Variants in FAM24B observed in about 807,000 individuals in gnomAD.
FAM24B encodes the protein family with sequence similarity 24 member B.
A neutral mutation model predicts 2.3 loss-of-function variants in FAM24B; 3 were observed. The ratio of observed to expected loss-of-function variants is 1.29; its 90% CI spans 0.59 to 3.32. FAM24B has a LOEUF of 3.32. Among genes scored for constraint, FAM24B ranks in the 30% most tolerant of loss-of-function variants. FAM24B has a pLI of 0.03. For synonymous variants in FAM24B, 36 were observed against 46.3 expected (o/e 0.78, Z 0.90); for missense variants, 98 against 117.2 (o/e 0.84, Z 0.76).
chr10:122,879,472 AGAC>A lies in FAM24B; in HGVS notation c.-178+10_-178+12del, dbSNP rs1213525941. ...GTCCTGCACATCGCGTAGAGCGAAG[AGAC>A]GACACCTACCTGACCATAGACGCTC... On this transcript the variant is annotated intron_variant, in intron 1 of 3. Transcript: ENST00000368898. 1.3e-5 allele frequency: 2 copies of A among 152,306 alleles called. No individual in the cohort carries two copies. Among genetic ancestry groups the A allele is most frequent in the Non-Finnish European group, 2.9e-5 (2 of 68,082 alleles). The allele number at this position is 152,306 out of a possible 1,614,324, so 9.4% of individuals were successfully genotyped here. A position where few individuals can be genotyped will look rare whatever the true frequency, so the allele number is the denominator to read the frequency against.
In FAM24B at chr10:122,849,400, G is replaced by T. The variant is rs765544738; in HGVS notation, c.132C>A (p.His44Gln). The stretch of plus-strand genomic sequence containing the variant: ...TGGCCCACCACACCTTGTCTGGGTT[G>T]TGATTTTTTACAGCCACAGCTTCAG... ...KEPEAVAVKN[H>Q]NPDKVWWAKN... The change falls in exon 4 of 4, where the codon CAC (histidine) becomes CAA (glutamine). Residue 44 changes from histidine to glutamine, a missense_variant. By Grantham distance (24) the His-to-Gln change is conservative. Coordinates refer to ENST00000368898, the MANE Select transcript of FAM24B (RefSeq NM_152644.3). The T allele has an allele frequency of 1.2e-6, 2 of 1,612,164 alleles. No individual in the cohort carries two copies. Among genetic ancestry groups the T allele is most frequent in the Non-Finnish European group, 1.7e-6 (2 of 1,179,364 alleles).
Position 122,849,531 on chromosome 10 carries a change from G to C in FAM24B, c.93-92C>G, listed in dbSNP as rs866184180. ...TTGGGGGGTATCTGGGGAGTTTAGT[G>C]CTGAAGCCAGTCAAACATGAACACC... On this transcript the variant is annotated intron_variant, in intron 3 of 3. Transcript: ENST00000368898. The C allele has an allele frequency of 9.5e-6, 11 of 1,154,818 alleles. No individual in the cohort carries two copies. The Middle Eastern group carries it at 1.9e-3, about 195-fold the overall frequency. 71.5% of individuals were successfully genotyped at this position (1,154,818 alleles called of 1,614,324 possible). A position where few individuals can be genotyped will look rare whatever the true frequency, so the allele number is the denominator to read the frequency against.
intron 1 of FAM24B, among the ~76,000 whole-genome samples, chr10:122,876,802 C>G (rs1847982971): frequency 6.6e-6 from 1 of 152,140 alleles, no homozygotes; most frequent in Admixed American, 6.5e-5. Context: ...TTGTGATTGA[C>G]TTCTAAGTGG....
chr10:122,857,785 C>T (rs1847662988), intron 1 of FAM24B, among the ~76,000 whole-genome samples: 1 of 152,178 alleles, frequency 6.6e-6, no homozygotes, highest in African/African-American at 2.4e-5. Flanking sequence ...GAAGTACAAA[C>T]CCTTCAAACT....
At chr10:122,859,032 T>C (rs986184257) in intron 1 of FAM24B, among the ~76,000 whole-genome samples, 4 of 152,204 alleles carry the variant, frequency 2.6e-5, no homozygotes, top group African/African-American at 9.6e-5. Context: ...TCCCACAGAA[T>C]TGCCCATCCT....
chr10:122,871,456 C>A (rs1384850078), intron 1 of FAM24B, among the ~76,000 whole-genome samples: 1 of 151,666 alleles, frequency 6.6e-6, no homozygotes, highest in Non-Finnish European at 1.5e-5. Context: ...CATATGGAAC[C>A]AAAAAAGAGC....
intron 1 of FAM24B, among the ~76,000 whole-genome samples, chr10:122,860,874 T>G (rs1847717333): frequency 6.6e-6 from 1 of 152,188 alleles, no homozygotes; most frequent in East Asian, 1.9e-4. Flanking sequence ...TTTCCTGAAA[T>G]TAGGTATTTA....
rs564589973 is a variant in FAM24B at position 122,870,611 on chromosome 10, G to A, written c.-178+8874C>T. On this transcript the variant is annotated intron_variant, in intron 1 of 3. Coordinates refer to ENST00000368898, the MANE Select transcript of FAM24B (RefSeq NM_152644.3). ...CCATGATCCAGTGGGCTTCATCCCT[G>A]GGATGCAAGGCTGGTTCAACATATG... 6.6e-5 allele frequency among the ~76,000 whole-genome samples: 10 copies of A among 152,274 alleles called. No individual in the cohort carries two copies. The South Asian group carries it at 1.9e-3, about 28-fold the overall frequency.
intron 3 of FAM24B, 143 bp from the exon 4 acceptor site, chr10:122,849,582 C>G: frequency 1.6e-6 from 1 of 638,218 alleles, no homozygotes; most frequent in Non-Finnish European, 2.6e-6. Flanking sequence ...CTCTCTCCCC[C>G]ATCCCAAGTT....
chr10:122,857,856 A>T (rs897095249), intron 1 of FAM24B, among the ~76,000 whole-genome samples: 1 of 152,208 alleles, frequency 6.6e-6, no homozygotes, highest in Non-Finnish European at 1.5e-5. Flanking sequence ...AGAAAACATT[A>T]TCAGTTTACT....
intron 2 of FAM24B, 188 bp from the exon 3 acceptor site, chr10:122,850,738 A>T (rs1368377842): frequency 4.0e-6 from 2 of 493,928 alleles, no homozygotes; most frequent in Non-Finnish European, 7.3e-6. Flanking sequence ...AAAAAGAAAT[A>T]AAAAAAGTCA....
chr10:122,874,212 T>C (rs369954110), intron 1 of FAM24B, among the ~76,000 whole-genome samples: 4 of 152,244 alleles, frequency 2.6e-5, no homozygotes, highest in East Asian at 3.8e-4. Flanking sequence ...TCCAGGGTTG[T>C]TGAAGTCTCC....
chr10:122,859,175 G>A (rs574919737), intron 1 of FAM24B, among the ~76,000 whole-genome samples: 19 of 152,298 alleles, frequency 1.2e-4, no homozygotes, highest in African/African-American at 4.6e-4. Context: ...CACTGAAAGA[G>A]AGATTAGCCA....
Position 122,872,136 on chromosome 10 carries a change from G to T in FAM24B, c.-178+7349C>A, listed in dbSNP as rs527654964. On this transcript the variant is annotated intron_variant, in intron 1 of 3. Coordinates refer to ENST00000368898, the MANE Select transcript of FAM24B (RefSeq NM_152644.3). ...AAAAAGTGGGCGAAGGATATGAACA[G>T]ACACTTCTCAAAAGAAGATATTTAT... Among the ~76,000 whole-genome samples, 965 of 152,282 alleles carry T rather than the reference G, an allele frequency of 6.3e-3. 7 individuals are homozygous for T. Among genetic ancestry groups the T allele is most frequent in the African/African-American group, 0.016 (652 of 41,536 alleles).
At position 122,871,592 on chromosome 10, in the gene FAM24B, T is replaced by C. The variant is rs11528585; in HGVS notation, c.-178+7893A>G. The stretch of plus-strand genomic sequence containing the variant: ...TGGTACTGGTACCAAAACAGAGATA[T>C]AGACCGATGGAACAGAACAGAGCCC... On this transcript the variant is annotated intron_variant, in intron 1 of 3. Transcript: ENST00000368898. Among the ~76,000 whole-genome samples the C allele has an allele frequency of 1.6e-3, 241 of 152,132 alleles. 6 individuals are homozygous for C. Among genetic ancestry groups the C allele is most frequent in the East Asian group, 3.9e-4 (2 of 5,176 alleles).
intron 1 of FAM24B, among the ~76,000 whole-genome samples, chr10:122,873,971 C>T (rs1276878479): frequency 6.6e-6 from 1 of 152,146 alleles, no homozygotes. Flanking sequence ...CCATTGTGAT[C>T]TAGGAACATA....
At position 122,849,091 on chromosome 10, in the gene FAM24B, G is replaced by C. The variant is rs569340815; in HGVS notation, c.*156C>G. On this transcript the variant is annotated 3_prime_UTR_variant, in exon 4 of 4. Transcript: ENST00000368898. The stretch of plus-strand genomic sequence containing the variant: ...AATCAAAAAATATTGGCAGCAAAGA[G>C]GATTATTTTTAATAGTGTACATTTA... 7 of 470,358 alleles carry C rather than the reference G, an allele frequency of 1.5e-5. No homozygotes were observed. In the East Asian group the frequency reaches 2.5e-4, roughly 17 times the overall value. The allele number at this position is 470,358 out of a possible 1,614,324, so 29.1% of individuals were successfully genotyped here.
At chr10:122,849,967 G>A (rs2133822934) in intron 3 of FAM24B, among the ~76,000 whole-genome samples, 1 of 152,222 alleles carries the variant, frequency 6.6e-6, no homozygotes, top group East Asian at 1.9e-4. Flanking sequence ...ACAAATGGAG[G>A]AATATCCTGA....
At chr10:122,875,919 C>A (rs1330393608) in intron 1 of FAM24B, among the ~76,000 whole-genome samples, 3 of 152,196 alleles carry the variant, frequency 2.0e-5, no homozygotes, top group Non-Finnish European at 4.4e-5. Context: ...AGTGAGCATG[C>A]ATACAACTCC....
Sources: allele counts gnomAD v4.1 joint callset (sites outside exome capture counted in the v4.1 genomes callset), GRCh38; gene constraint gnomAD v4.1.1; transcripts MANE v1.5; gene names NCBI Gene and HGNC (gene_info 2026-07-23, HGNC 2026-07-21).